The following DDX41 variants were observed in gnomAD, a reference collection of about 807,000 sequenced individuals.
DDX41 encodes the protein DEAD-box helicase 41.
A neutral mutation model predicts 78.8 loss-of-function variants in DDX41; 50 were observed. That is an observed-to-expected ratio of 0.63 (90% CI 0.51 to 0.80). DDX41 has a LOEUF of 0.80. DDX41 is among the 30% of genes least tolerant of loss of function. The probability of loss-of-function intolerance (pLI) is 0.00; values close to 1 mark genes in which losing one functional copy is unlikely to be tolerated. For synonymous variants in DDX41, 381 were observed against 321.5 expected (o/e 1.19, Z -1.98); for missense variants, 633 against 849.2 (o/e 0.75, Z 3.16).
chr5:177,512,434 A>G, intron 14 of DDX41, 41 bp from the exon 15 acceptor site: 1 of 1,614,046 alleles, frequency 6.2e-7, no homozygotes, highest in Non-Finnish European at 8.5e-7. Flanking sequence ...ATCGCTGGAC[A>G]CTAGGGGCCT....
At position 177,513,184 on chromosome 5, in the gene DDX41, T is replaced by C; in HGVS notation, c.1231-102A>G. 3.3e-6 allele frequency: 5 copies of C among 1,525,952 alleles called. No individual in the cohort carries two copies. Among genetic ancestry groups the C allele is most frequent in the Non-Finnish European group, 4.5e-6 (5 of 1,120,654 alleles). 94.5% of individuals were successfully genotyped at this position (1,525,952 alleles called of 1,614,324 possible). ...GGACCAGGAGGTGACCAGAAGCCTC[T>C]GGCCGCCAAGGGCTGGTGCCCTAAA... On this transcript the variant is annotated intron_variant, in intron 11 of 16. Coordinates refer to ENST00000330503, the MANE Select transcript of DDX41 (RefSeq NM_016222.4). The surrounding 1 kb of genome is among the most constrained non-coding windows in gnomAD (Gnocchi z 4.6).
Position 177,515,724 on chromosome 5 carries a change from G to C in DDX41, c.532C>G (p.Pro178Ala). 1 of 1,614,122 alleles carries C rather than the reference G, an allele frequency of 6.2e-7. No individual in the cohort carries two copies. The highest frequency in any genetic ancestry group is 8.5e-7 in the Non-Finnish European group (1 of 1,180,028). The change falls in exon 6 of 17, where the codon CCA becomes GCA. Residue 178 changes from proline (P) to alanine (A), a missense_variant. This residue lies in a region of DDX41 where 126 missense variants were observed against 115.5 expected (regional missense o/e 1.09). Coordinates refer to ENST00000330503, the MANE Select transcript of DDX41 (RefSeq NM_016222.4). Reference protein sequence around the residue: ...HILVEGDGIPPPIKSFKEMKF... With the variant: ...HILVEGDGIPAPIKSFKEMKF... ...ATTTCCTTGAAGCTCTTGATGGGTG[G>C]TGGGATACCGTCTCCCTCCACCAGG...
chr5:177,515,391 GAAAAAAAA>G, intron 6 of DDX41, 133 bp from the exon 7 acceptor site: 3 of 744,366 alleles, frequency 4.0e-6, no homozygotes, highest in Non-Finnish European at 6.3e-6. Context: ...AGAGAGAGTG[GAAAAAAAA>G]AAAGAAAAAA....
rs1265878689 is a variant in DDX41 at position 177,514,721 on chromosome 5, C to T, written c.915G>A (p.Glu305=). Residue 305 remains glutamate, a synonymous_variant, in exon 9 of 17, where the codon GAG becomes GAA. Transcript: ENST00000330503. The surrounding 1 kb of genome is among the most constrained non-coding windows in gnomAD (Gnocchi z 4.2). The part of the protein sequence containing the change: ...ALCIGGMSVK[E]QMETIRHGVH... ...CTCACTGTCGGATGGTCTCCATCTG[C>T]TCTTTCACGGACATGCCCCCAATGC... 1.2e-6 allele frequency: 2 copies of T among 1,612,194 alleles called. No individual in the cohort carries two copies. The highest frequency in any genetic ancestry group is 2.2e-5 in the South Asian group (2 of 91,064).
At chr5:177,515,356 A>G (rs577787567) in intron 6 of DDX41, 98 bp from the exon 7 acceptor site, 21 of 1,188,448 alleles carry the variant, frequency 1.8e-5, no homozygotes, top group Middle Eastern at 1.9e-4. Context: ...GTTGCAGATG[A>G]TGAAACTGAG....
chr5:177,515,863 C>G, intron 5 of DDX41, 42 bp from the exon 6 acceptor site: 1 of 1,614,142 alleles, frequency 6.2e-7, no homozygotes, highest in Non-Finnish European at 8.5e-7. Context: ...CTGGGAATAG[C>G]TGGCCTGGGA....
rs879654141 is a variant in DDX41 at position 177,515,777 on chromosome 5, T to C, written c.479A>G (p.His160Arg). The change falls in exon 6 of 17, where the codon CAT becomes CGT. Residue 160 changes from histidine to arginine, a missense_variant. His to Arg is a conservative substitution (Grantham distance 29, BLOSUM62 0). Transcript: ENST00000330503. ...GTGGTATTTCTTCCGCACGCGCTCATGTCGCTCTTCAGACATGCTCAGAAC... is the reference window on the plus strand; with the variant it reads ...GTGGTATTTCTTCCGCACGCGCTCACGTCGCTCTTCAGACATGCTCAGAAC... ...RYVLSMSEERHERVRKKYHIL... is the reference protein window; with the variant it reads ...RYVLSMSEERRERVRKKYHIL... 6 of 1,614,090 alleles carry C rather than the reference T, an allele frequency of 3.7e-6. No homozygotes were observed. The highest frequency in any genetic ancestry group is 1.1e-5 in the South Asian group (1 of 91,086).
chr5:177,516,485 T>A (rs199536351), intron 2 of DDX41, 38 bp from the exon 3 acceptor site: 1 of 1,609,390 alleles, frequency 6.2e-7, no homozygotes, highest in East Asian at 2.2e-5. Context: ...AGGATGGGCA[T>A]GGAGTCCACA....
chr5:177,512,010 G>A (rs755152262), intron 16 of DDX41, 83 bp from the exon 17 acceptor site: 219 of 1,605,578 alleles, frequency 1.4e-4, no homozygotes, highest in Middle Eastern at 2.0e-4. Flanking sequence ...AGGCACCCTC[G>A]GTCCACCGGT....
chr5:177,514,778 C>T lies in DDX41; in HGVS notation c.858G>A (p.Glu286=). Residue 286 remains glutamate, a synonymous_variant, in exon 9 of 17, where the codon GAG becomes GAA. Coordinates refer to ENST00000330503, the MANE Select transcript of DDX41 (RefSeq NM_016222.4). The surrounding 1 kb of genome is among the most constrained non-coding windows in gnomAD (Gnocchi z 4.2). ...ILEYYCRLLQ[E]DSSPLLRCAL... ...CGCAGCGCAGGAGTGGTGAGCTGTC[C>T]TCCTGCAGCAGGCGGCAGTAGTACT... is the stretch of plus-strand genomic sequence containing the variant. The T allele has an allele frequency of 6.2e-7, 1 of 1,612,934 alleles. No homozygotes were observed. The highest frequency in any genetic ancestry group is 8.5e-7 in the Non-Finnish European group (1 of 1,179,946).
chr5:177,515,830 G>T lies in DDX41; in HGVS notation c.435-9C>A. On this transcript the variant is annotated splice_polypyrimidine_tract_variant and intron_variant, in intron 5 of 16. Transcript: ENST00000330503. ...AACGGGGTGGAGTCCAGCTGTGGATGGGTAACAGGGATCAAGAGAGCCCTG... is the reference window on the plus strand; with the variant it reads ...AACGGGGTGGAGTCCAGCTGTGGATTGGTAACAGGGATCAAGAGAGCCCTG... 1 of 1,614,146 alleles carries T rather than the reference G, an allele frequency of 6.2e-7. No individual in the cohort carries two copies. The highest frequency in any genetic ancestry group is 8.5e-7 in the Non-Finnish European group (1 of 1,180,030).
Position 177,513,126 on chromosome 5 carries a change from T to C in DDX41, c.1231-44A>G, listed in dbSNP as rs189721071. ...GGTCAGGTGATCTTGAGATTAGGCT[T>C]ACCCGCCACAGCCCTGCCATGGCCC... On this transcript the variant is annotated intron_variant, in intron 11 of 16. Transcript: ENST00000330503. The surrounding 1 kb of genome is among the most constrained non-coding windows in gnomAD (Gnocchi z 4.6). The C allele has an allele frequency of 3.5e-4, 545 of 1,562,566 alleles. No homozygotes were observed. In the African/African-American group the frequency reaches 6.4e-3, roughly 18 times the overall value.
Position 177,513,789 on chromosome 5 carries a change from T to A in DDX41, c.994A>T (p.Met332Leu). 6.2e-7 allele frequency: 1 copy of A among 1,613,766 alleles called. No individual in the cohort carries two copies. Residue 332 changes from methionine to leucine, a missense_variant, in exon 10 of 17, where the codon ATG (methionine) becomes TTG (leucine). Coordinates refer to ENST00000330503, the MANE Select transcript of DDX41 (RefSeq NM_016222.4). The surrounding 1 kb of genome is among the most constrained non-coding windows in gnomAD (Gnocchi z 4.6). ...TAGCGACAGATGTCTAGGCTGACCATCTTCTTCTGCAGCAAATCCATGAGG... is the reference window on the plus strand; with the variant it reads ...TAGCGACAGATGTCTAGGCTGACCAACTTCTTCTGCAGCAAATCCATGAGG... ...GRLMDLLQKK[M>L]VSLDICRYLA...
Position 177,513,386 on chromosome 5 carries a change from C to A in DDX41, c.1197G>T (p.Gly399=). ...CATCCAGGCTGGCAGCCCCAGCGCG[C>A]CCCACATTGATGGTCACAGGCTTTA... ...ALVKPVTINV[G]RAGAASLDVI... is the part of the protein sequence containing the mutation. Residue 399 remains glycine (G), a synonymous_variant, in exon 11 of 17, where the codon GGG becomes GGT. Transcript: ENST00000330503. This position sits in a 1 kb window ranked among gnomAD's most constrained non-coding sequence, Gnocchi z 4.6. 1 of 1,614,098 alleles carries A rather than the reference C, an allele frequency of 6.2e-7. No individual in the cohort carries two copies. Among genetic ancestry groups the A allele is most frequent in the South Asian group, 1.1e-5 (1 of 91,080 alleles).
In DDX41 at chr5:177,515,710, G is replaced by A. The variant is rs766263690; in HGVS notation, c.546C>T (p.Ser182=). The A allele has an allele frequency of 1.2e-6, 2 of 1,614,000 alleles. No homozygotes were observed. Among genetic ancestry groups the A allele is most frequent in the Admixed American group, 1.7e-5 (1 of 59,994 alleles). ...EGDGIPPPIK[S]FKEMKFPAAI... ...CTGCAGGAAACTTCATTTCCTTGAAGCTCTTGATGGGTGGTGGGATACCGT... is the reference window on the plus strand; with the variant it reads ...CTGCAGGAAACTTCATTTCCTTGAAACTCTTGATGGGTGGTGGGATACCGT... Residue 182 remains serine, a synonymous_variant, in exon 6 of 17, where the codon AGC becomes AGT. Coordinates refer to ENST00000330503, the MANE Select transcript of DDX41 (RefSeq NM_016222.4).
At position 177,511,736 on chromosome 5, in the gene DDX41, A is replaced by T; in HGVS notation, c.*55T>A. On this transcript the variant is annotated 3_prime_UTR_variant, in exon 17 of 17. Coordinates refer to ENST00000330503, the MANE Select transcript of DDX41 (RefSeq NM_016222.4). ...GTCCAGGGGGCTGCTGTATGTGTAG[A>T]CTGGTGGCAGTCTTGGGGACTGAGG... 6.2e-7 allele frequency: 1 copy of T among 1,607,210 alleles called. No individual in the cohort carries two copies. The highest frequency in any genetic ancestry group is 1.1e-5 in the South Asian group (1 of 90,644).
intron 7 of DDX41, 48 bp downstream of exon 7, chr5:177,515,138 C>T (rs1169116888): frequency 6.2e-7 from 1 of 1,613,862 alleles, no homozygotes; most frequent in Admixed American, 1.7e-5. Context: ...ATTGCTCCTC[C>T]CTGTTCCAGC....
At position 177,513,583 on chromosome 5, in the gene DDX41, T is replaced by G; in HGVS notation, c.1099-99A>C. On this transcript the variant is annotated intron_variant, in intron 10 of 16. Coordinates refer to ENST00000330503, the MANE Select transcript of DDX41 (RefSeq NM_016222.4). This position sits in a 1 kb window ranked among gnomAD's most constrained non-coding sequence, Gnocchi z 4.6. ...CAACTGAGACACAGCCCACAAAGTA[T>G]GAGCAGTGGGTTGGGGTGGCCAGGG... is the stretch of plus-strand genomic sequence containing the variant. 1.2e-6 allele frequency: 2 copies of G among 1,605,724 alleles called. No homozygotes were observed. Among genetic ancestry groups the G allele is most frequent in the Non-Finnish European group, 1.7e-6 (2 of 1,174,250 alleles).
chr5:177,513,618 C>T lies in DDX41; in HGVS notation c.1098+67G>A. On this transcript the variant is annotated intron_variant, in intron 10 of 16. Coordinates refer to ENST00000330503, the MANE Select transcript of DDX41 (RefSeq NM_016222.4). This position sits in a 1 kb window ranked among gnomAD's most constrained non-coding sequence, Gnocchi z 4.6. ...GTTGGGGTGGCCAGGGGCATGGGGT[C>T]CCTGCAGTCTGATGTGGCGTGCAGT... 1.2e-6 allele frequency: 2 copies of T among 1,605,968 alleles called. No individual in the cohort carries two copies. Among genetic ancestry groups the T allele is most frequent in the Middle Eastern group, 1.7e-4 (1 of 6,020 alleles).
Sources: gnomAD v4.1 joint callset for allele counts on GRCh38, gnomAD v4.1.1 for gene constraint, gnomAD v4.1.1 regional missense constraint, Gnocchi (gnomAD v3.1) non-coding constraint, MANE v1.5 for transcripts, NCBI Gene and HGNC (gene_info 2026-07-23, HGNC 2026-07-21) for gene names.